The following GALNT7 variants were observed in gnomAD, a reference collection of about 807,000 sequenced individuals.
The protein encoded by GALNT7 is N-acetylgalactosaminyltransferase 7.
GALNT7 carries 60 observed loss-of-function variants against 82.1 expected under a neutral mutation model. The observed-to-expected ratio is 0.73, with a 90% confidence interval of 0.59 to 0.91. The LOEUF is 0.91. GALNT7 is among the 40% of genes least tolerant of loss of function. The pLI, the probability that GALNT7 is intolerant of heterozygous loss-of-function variation, is 0.00. For missense variants in GALNT7, 660 were observed against 804.2 expected (o/e 0.82, Z 2.17); for synonymous variants, 243 against 275.1 (o/e 0.88, Z 1.15).
rs1490390186 is a variant in GALNT7, at chr4:173,170,599, T to G, written c.126+1638T>G. Reference sequence around the variant, plus strand: ...TTTCCTTTTCAGTACATTTGCGGTTTTAAGCTTCTCAGCTCATGGAGTGAT... The same window carrying G: ...TTTCCTTTTCAGTACATTTGCGGTTGTAAGCTTCTCAGCTCATGGAGTGAT... On this transcript the variant is annotated intron_variant, in intron 1 of 11. Transcript: ENST00000265000. 2.0e-5 allele frequency among the ~76,000 whole-genome samples: 3 copies of G among 152,240 alleles called. No individual in the cohort carries two copies. The East Asian group carries it at 5.8e-4, about 29-fold the overall frequency.
chr4:173,275,921 C>T (rs1050593714), intron 2 of GALNT7, among the ~76,000 whole-genome samples: 3 of 152,160 alleles, frequency 2.0e-5, no homozygotes, highest in Admixed American at 2.0e-4. Flanking sequence ...CACCAACTGG[C>T]GCTACCTTCA....
At chr4:173,189,121 T>C (rs1468430710) in intron 1 of GALNT7, among the ~76,000 whole-genome samples, 1 of 152,234 alleles carries the variant, frequency 6.6e-6, no homozygotes, top group Non-Finnish European at 1.5e-5. Context: ...ATATCAGCAC[T>C]TATGCTCCCC....
chr4:173,280,108 T>C (rs1736060081), intron 2 of GALNT7, among the ~76,000 whole-genome samples: 1 of 152,346 alleles, frequency 6.6e-6, no homozygotes, highest in Admixed American at 6.5e-5. Context: ...AAATGACTCT[T>C]TGTCTTGAGA....
intron 1 of GALNT7, among the ~76,000 whole-genome samples, chr4:173,241,801 G>A (rs930728970): frequency 6.6e-6 from 1 of 152,020 alleles, no homozygotes; most frequent in African/African-American, 2.4e-5. Flanking sequence ...TTGCTTGTTT[G>A]GTTAAAGGGG....
intron 1 of GALNT7, among the ~76,000 whole-genome samples, chr4:173,220,242 T>C (rs1038638563): frequency 6.6e-6 from 1 of 152,210 alleles, no homozygotes; most frequent in Admixed American, 6.5e-5. Flanking sequence ...ATTTGTTGAA[T>C]ACAGTGTCCT....
chr4:173,192,299 A>T (rs1456634837), intron 1 of GALNT7, among the ~76,000 whole-genome samples: 1 of 152,076 alleles, frequency 6.6e-6, no homozygotes, highest in Admixed American at 6.5e-5. Flanking sequence ...TGTATTTGAT[A>T]TATACCCTCC....
At chr4:173,178,042 TGTGTGTGTGTGC>T (rs1456668014) in intron 1 of GALNT7, among the ~76,000 whole-genome samples, 6 of 117,614 alleles carry the variant, frequency 5.1e-5, no homozygotes, top group Non-Finnish European at 1.0e-4. Flanking sequence ...TGTGTGTGTG[TGTGTGTGTGTGC>T]GCGCACGCGC....
intron 1 of GALNT7, among the ~76,000 whole-genome samples, chr4:173,186,536 T>C (rs1732467079): frequency 6.6e-6 from 1 of 152,166 alleles, no homozygotes; most frequent in Admixed American, 6.6e-5. Context: ...ATACTGTTTT[T>C]CCTTCCTTCT....
In GALNT7 at chr4:173,168,815, GTC is replaced by G. The variant is rs767124078; in HGVS notation, c.-16_-15del. On this transcript the variant is annotated 5_prime_UTR_variant, in exon 1 of 12. Transcript: ENST00000265000. Reference sequence around the variant, plus strand: ...TGGCGGCGGCTGCGCCGGGCTGTGAGTCTCTCGCCGCCGGAGGAAGATGAGGC... The same window carrying G: ...TGGCGGCGGCTGCGCCGGGCTGTGAGTCTCGCCGCCGGAGGAAGATGAGGC... The G allele has an allele frequency of 4.4e-6, 7 of 1,608,332 alleles. No individual in the cohort carries two copies. Among genetic ancestry groups the G allele is most frequent in the African/African-American group, 4.0e-5 (3 of 74,710 alleles).
At chr4:173,196,643 A>T (rs1020414978) in intron 1 of GALNT7, among the ~76,000 whole-genome samples, 1 of 152,158 alleles carries the variant, frequency 6.6e-6, no homozygotes, top group Non-Finnish European at 1.5e-5. Context: ...ATATCAACCC[A>T]TCACCTAGGT....
At chr4:173,254,353 A>G (rs1734949600) in intron 2 of GALNT7, among the ~76,000 whole-genome samples, 1 of 152,162 alleles carries the variant, frequency 6.6e-6, no homozygotes, top group Non-Finnish European at 1.5e-5. Flanking sequence ...AGGTTTTCTT[A>G]TTCTCTATCC....
At chr4:173,282,665 G>A (rs747756706) in intron 2 of GALNT7, among the ~76,000 whole-genome samples, 9 of 152,108 alleles carry the variant, frequency 5.9e-5, no homozygotes, top group African/African-American at 1.9e-4. Flanking sequence ...AAAAAGGTGC[G>A]TTTAATGTGT....
intron 1 of GALNT7, among the ~76,000 whole-genome samples, chr4:173,188,667 G>A (rs78145141): frequency 2.0e-5 from 3 of 152,158 alleles, no homozygotes; most frequent in African/African-American, 4.8e-5. Context: ...GCCTCTGCTC[G>A]CTGAATTCTG....
At chr4:173,187,309 ATG>A (rs1732492025) in intron 1 of GALNT7, among the ~76,000 whole-genome samples, 1 of 151,760 alleles carries the variant, frequency 6.6e-6, no homozygotes, top group Non-Finnish European at 1.5e-5. Flanking sequence ...TTGTTAGGAT[ATG>A]TATAGATTTG....
intron 1 of GALNT7, among the ~76,000 whole-genome samples, chr4:173,245,793 G>T (rs887045107): frequency 6.6e-6 from 1 of 152,120 alleles, no homozygotes. Flanking sequence ...ACAGTCATGC[G>T]TGCCTTACAC....
chr4:173,208,682 C>T (rs887227069), intron 1 of GALNT7, among the ~76,000 whole-genome samples: 3 of 152,156 alleles, frequency 2.0e-5, no homozygotes, highest in Non-Finnish European at 4.4e-5. Flanking sequence ...CGTTCCAGCC[C>T]GTCTCTTCCC....
At chr4:173,173,639 A>G (rs1731949510) in intron 1 of GALNT7, among the ~76,000 whole-genome samples, 2 of 152,198 alleles carry the variant, frequency 1.3e-5, no homozygotes, top group African/African-American at 2.4e-5. Flanking sequence ...CCTTGCATGC[A>G]GTTCACAATA....
intron 2 of GALNT7, among the ~76,000 whole-genome samples, chr4:173,290,628 T>C (rs78295115): frequency 0.03 from 4,493 of 152,282 alleles, 97 homozygotes; most frequent in South Asian, 0.071. Flanking sequence ...GGGAGGGAAC[T>C]TTCACCTTTA....
chr4:173,197,238 G>A (rs926704841), intron 1 of GALNT7, among the ~76,000 whole-genome samples: 2 of 151,956 alleles, frequency 1.3e-5, no homozygotes, highest in African/African-American at 4.8e-5. Flanking sequence ...AAATAGTGAC[G>A]CTCTGCAGGA....
Sources: gnomAD v4.1 joint callset for allele counts (sites outside exome capture counted in the v4.1 genomes callset) on GRCh38, gnomAD v4.1.1 for gene constraint, MANE v1.5 for transcripts, NCBI Gene and HGNC (gene_info 2026-07-23, HGNC 2026-07-21) for gene names.